Variants in ANKRD44 observed in about 807,000 individuals in gnomAD.
ANKRD44 encodes the protein ankyrin repeat domain 44, also known as serine/threonine-protein phosphatase 6 regulatory ankyrin repeat subunit B.
In ANKRD44, 35 loss-of-function variants were observed where a neutral mutation model predicts 116.0. The observed-to-expected ratio is 0.30, with a 90% CI of 0.23 to 0.40. The LOEUF (loss-of-function observed/expected upper bound fraction) is 0.40. Ranked by LOEUF, ANKRD44 falls within the 10% of genes least tolerant of loss-of-function variation. The probability of loss-of-function intolerance (pLI) is 1.00; values close to 1 mark genes in which losing one functional copy is unlikely to be tolerated. For missense variants in ANKRD44, 1,014 were observed against 1,242.6 expected, an observed-to-expected ratio of 0.82 and a Z score of 2.77; for synonymous variants, 435 against 461.8, an observed-to-expected ratio of 0.94 and a Z score of 0.74.
rs114863807 is a variant in ANKRD44 at position 196,968,801 on chromosome 2, T to C, written c.2369-1355A>G. ...GCTATCATCTTAACTATTGCCACAA[T>C]TGCATCACTTTTACTATTGTCTTTC... On this transcript the variant is annotated intron_variant, in intron 21 of 21. Coordinates refer to the ANKRD44 transcript ENST00000424317. 2.7e-3 allele frequency among the ~76,000 whole-genome samples: 413 copies of C among 152,292 alleles called. 3 individuals carry two copies. The highest frequency in any genetic ancestry group is 9.4e-3 in the African/African-American group (390 of 41,570).
intron 1 of ANKRD44, among the ~76,000 whole-genome samples, chr2:197,296,993 T>C (rs1296776923): frequency 6.6e-6 from 1 of 152,228 alleles, no homozygotes; most frequent in Non-Finnish European, 1.5e-5. Context: ...CTTTTGTTTT[T>C]ACACACTTCC....
At chr2:197,211,598 A>G (rs540620600) in intron 1 of ANKRD44, among the ~76,000 whole-genome samples, 1 of 152,254 alleles carries the variant, frequency 6.6e-6, no homozygotes, top group South Asian at 2.1e-4. Flanking sequence ...TTAGTTAACT[A>G]ACTTAAAAAA....
intron 16 of ANKRD44, among the ~76,000 whole-genome samples, chr2:197,060,275 G>C (rs2077282816): frequency 6.6e-6 from 1 of 152,126 alleles, no homozygotes; most frequent in South Asian, 2.1e-4. Flanking sequence ...CCAGCAGATA[G>C]AGAAATCAAT....
intron 1 of ANKRD44, among the ~76,000 whole-genome samples, chr2:197,231,781 T>C (rs924553010): frequency 4.6e-5 from 7 of 152,238 alleles, no homozygotes; most frequent in Middle Eastern, 3.4e-3. Flanking sequence ...ATGTAGGGCC[T>C]TGTTCATGCA....
intron 21 of ANKRD44, among the ~76,000 whole-genome samples, chr2:197,002,751 C>A (rs1441112349): frequency 3.3e-5 from 5 of 152,124 alleles, no homozygotes; most frequent in Non-Finnish European, 5.9e-5. Flanking sequence ...AAACAAAAAA[C>A]AACGACAAAG....
chr2:196,988,277 T>C lies in ANKRD44; in HGVS notation c.*1314A>G, dbSNP rs2075862289. ...TCTAGAAAAAGACACCGCAGCATATTGTGCTTCTTCAACACTGAACCTCTC... is the reference window on the plus strand; with the variant it reads ...TCTAGAAAAAGACACCGCAGCATATCGTGCTTCTTCAACACTGAACCTCTC... On this transcript the variant is annotated 3_prime_UTR_variant, in exon 28 of 28. Transcript: ENST00000282272. 1.0e-6 allele frequency: 1 copy of C among 985,474 alleles called. No individual in the cohort carries two copies. Among genetic ancestry groups the C allele is most frequent in the East Asian group, 1.1e-4 (1 of 8,820 alleles). The allele number at this position is 985,474 out of a possible 1,614,324, so 61.0% of individuals were successfully genotyped here. A position where few individuals can be genotyped will look rare whatever the true frequency, so the allele number is the denominator to read the frequency against.
chr2:197,258,643 T>C (rs1249973020), intron 1 of ANKRD44, among the ~76,000 whole-genome samples: 3 of 152,196 alleles, frequency 2.0e-5, no homozygotes, highest in Non-Finnish European at 4.4e-5. Context: ...TTTCTATATA[T>C]AACTTTTTGA....
chr2:197,127,315 C>T (rs2078997952), intron 4 of ANKRD44, among the ~76,000 whole-genome samples: 1 of 152,226 alleles, frequency 6.6e-6, no homozygotes, highest in Non-Finnish European at 1.5e-5. Flanking sequence ...GTCTGCTACA[C>T]TGGCTTAATA....
chr2:197,172,030 C>T (rs1281155653), intron 2 of ANKRD44, among the ~76,000 whole-genome samples: 14 of 132,490 alleles, frequency 1.1e-4, no homozygotes, highest in Admixed American at 7.6e-4. Context: ...GATAATGTCT[C>T]ACTCTTGTCT....
intron 1 of ANKRD44, among the ~76,000 whole-genome samples, chr2:197,306,334 G>T (rs12618612): frequency 0.29 from 44,524 of 152,058 alleles, 7,625 homozygotes; most frequent in East Asian, 0.47. Flanking sequence ...CCCTAAACCG[G>T]TCAATTAGCC....
chr2:197,136,769 C>T, intron 3 of ANKRD44, 107 bp from the exon 4 acceptor site: 1 of 893,072 alleles, frequency 1.1e-6, no homozygotes. Flanking sequence ...ATAACCACCA[C>T]CTCTTCTTTT....
intron 1 of ANKRD44, among the ~76,000 whole-genome samples, chr2:197,305,793 T>C (rs1042336837): frequency 6.6e-6 from 1 of 151,858 alleles, no homozygotes; most frequent in Non-Finnish European, 1.5e-5. Flanking sequence ...GTAATGATAT[T>C]ATCACACGAA....
At chr2:196,982,108 T>TCTTATATATATATATATA (rs2075805174), downstream of ANKRD44, among the ~76,000 whole-genome samples, 1 of 96,550 alleles carries the variant, frequency 1.0e-5, no homozygotes, top group African/African-American at 3.7e-5. Context: ...CTAAAAAAAA[T>TCTTATATATATATATATA]TATATATATA....
intron 1 of ANKRD44, among the ~76,000 whole-genome samples, chr2:197,214,602 A>G (rs1053129187): frequency 6.6e-6 from 1 of 152,236 alleles, no homozygotes; most frequent in African/African-American, 2.4e-5. Flanking sequence ...GCTCATCTGT[A>G]TATACCACAT....
chr2:197,220,952 A>G (rs1237371568), intron 1 of ANKRD44, among the ~76,000 whole-genome samples: 1 of 152,176 alleles, frequency 6.6e-6, no homozygotes, highest in African/African-American at 2.4e-5. Flanking sequence ...GAATTATTGT[A>G]AAAATAGCTG....
intron 17 of ANKRD44, chr2:197,016,061 G>A (rs1011385904): frequency 8.1e-6 from 4 of 493,140 alleles, no homozygotes; most frequent in Non-Finnish European, 1.2e-5. Flanking sequence ...AGAGCGATGA[G>A]TTGTCAGGAG....
At chr2:197,222,851 C>T (rs937179351) in intron 1 of ANKRD44, among the ~76,000 whole-genome samples, 6 of 150,172 alleles carry the variant, frequency 4.0e-5, no homozygotes, top group Middle Eastern at 3.4e-3. Context: ...CTCACTCTGT[C>T]GCCCAGGCTG....
chr2:196,975,126 G>A (rs1237147800), intron 21 of ANKRD44, among the ~76,000 whole-genome samples: 1 of 151,714 alleles, frequency 6.6e-6, no homozygotes, highest in African/African-American at 2.4e-5. Context: ...AATGAAAGAG[G>A]GGACATTACT....
chr2:197,181,070 C>T (rs2080492412), intron 2 of ANKRD44, among the ~76,000 whole-genome samples: 1 of 152,116 alleles, frequency 6.6e-6, no homozygotes, highest in African/African-American at 2.4e-5. Flanking sequence ...ACTATACATT[C>T]CTTAGCAACA....
Sources: gnomAD v4.1 joint callset for allele counts (sites outside exome capture counted in the v4.1 genomes callset) on GRCh38, gnomAD v4.1.1 for gene constraint, MANE v1.5 for transcripts, NCBI Gene and HGNC (gene_info 2026-07-23, HGNC 2026-07-21) for gene names.